The following ZNF540 variants were observed in gnomAD, a reference collection of about 807,000 sequenced individuals.
The protein encoded by ZNF540 is CTD-3064H18.6.
In ZNF540, 3 loss-of-function variants were observed where a neutral mutation model predicts 11.8. That is an observed-to-expected ratio of 0.25 (90% CI 0.12 to 0.65). The LOEUF (loss-of-function observed/expected upper bound fraction) is 0.65, where lower values mean the gene tolerates loss of function less well. Ranked by LOEUF, ZNF540 falls within the 30% of genes least tolerant of loss-of-function variation. ZNF540 has a pLI of 0.83. For missense variants in ZNF540, 709 were observed against 793.1 expected (o/e 0.89, Z 1.27); for synonymous variants, 247 against 259.0 (o/e 0.95, Z 0.45).
intron 1 of ZNF540, chr19:37,555,375 T>C (rs8107454): frequency 0.04 from 6,316 of 158,236 alleles, 348 homozygotes; most frequent in African/African-American, 0.12. Flanking sequence ...AGTATTAAGA[T>C]ACATAAGTTT....
At chr19:37,565,526 T>C (rs1183481505) in intron 1 of ZNF540, 1 of 1,613,802 alleles carries the variant, frequency 6.2e-7, no homozygotes, top group Admixed American at 1.7e-5. Flanking sequence ...CTCACCACTA[T>C]GAATTCTCTG....
chr19:37,601,843 A>G (rs1333962167), intron 4 of ZNF540, among the ~76,000 whole-genome samples: 1 of 152,252 alleles, frequency 6.6e-6, no homozygotes, highest in African/African-American at 2.4e-5. Flanking sequence ...AGAGTGGGGA[A>G]GAGTAACTAA....
intron 1 of ZNF540, chr19:37,583,499 C>T (rs1332053373): frequency 1.3e-5 from 2 of 153,516 alleles, no homozygotes; most frequent in African/African-American, 2.4e-5. Flanking sequence ...TTCCACAGGC[C>T]TTTGAAGAGA....
rs140673369 is a variant in ZNF540, at chr19:37,565,058, A to G, written c.-73+13393A>G. Reference sequence around the variant, plus strand: ...ATGTTGAGTAAGATATGCAACACGAATAAAGGCCTTTCCACATTCCTTACA... The same window carrying G: ...ATGTTGAGTAAGATATGCAACACGAGTAAAGGCCTTTCCACATTCCTTACA... On this transcript the variant is annotated intron_variant, in intron 1 of 4. Transcript: ENST00000592533. The G allele has an allele frequency of 2.5e-6, 4 of 1,613,124 alleles. No individual in the cohort carries two copies. In the African/African-American group the frequency reaches 4.0e-5, roughly 16 times the overall value.
intron 1 of ZNF540, among the ~76,000 whole-genome samples, chr19:37,588,969 G>A (rs2147209679): frequency 6.6e-6 from 1 of 152,244 alleles, no homozygotes; most frequent in South Asian, 2.1e-4. Context: ...GGAGGCTGAG[G>A]CAGGTGGATC....
chr19:37,578,149 T>TCTCGCCCCACTCCCCA (rs1178533582), intron 1 of ZNF540, among the ~76,000 whole-genome samples: 1 of 152,042 alleles, frequency 6.6e-6, no homozygotes, highest in Non-Finnish European at 1.5e-5. Flanking sequence ...GCCCTTCCCC[T>TCTCGCCCCACTCCCCA]CTCGCCCCAC....
At chr19:37,553,738 A>C (rs1398076248) in intron 1 of ZNF540, among the ~76,000 whole-genome samples, 1 of 148,666 alleles carries the variant, frequency 6.7e-6, no homozygotes, top group East Asian at 2.0e-4. Flanking sequence ...ATTTGCTGGG[A>C]TCTCACACAA....
intron 1 of ZNF540, among the ~76,000 whole-genome samples, chr19:37,553,550 A>C (rs1391656037): frequency 1.3e-5 from 2 of 151,874 alleles, no homozygotes; most frequent in Non-Finnish European, 2.9e-5. Context: ...TCTATCCTTA[A>C]TTCTTTTTCT....
intron 1 of ZNF540, among the ~76,000 whole-genome samples, chr19:37,587,845 G>A (rs1453592026): frequency 6.6e-6 from 1 of 151,918 alleles, no homozygotes; most frequent in African/African-American, 2.4e-5. Flanking sequence ...TTGGCTGCAC[G>A]CAGTGGCTCA....
intron 1 of ZNF540, among the ~76,000 whole-genome samples, chr19:37,582,679 C>T (rs560198942): frequency 1.4e-4 from 21 of 152,320 alleles, no homozygotes; most frequent in African/African-American, 4.1e-4. Context: ...TGACTTCCTT[C>T]TCCAGCCTTC....
At chr19:37,566,699 C>T (rs767322239) in intron 1 of ZNF540, among the ~76,000 whole-genome samples, 50 of 152,188 alleles carry the variant, frequency 3.3e-4, no homozygotes, top group Non-Finnish European at 3.8e-4. Context: ...AGTCACCCCT[C>T]TCTCATTGTC....
intron 4 of ZNF540, among the ~76,000 whole-genome samples, chr19:37,603,191 GA>G (rs1258587524): frequency 6.6e-6 from 1 of 152,004 alleles, no homozygotes; most frequent in Non-Finnish European, 1.5e-5. Flanking sequence ...TATTTTAGTA[GA>G]AACGGGGTCT....
At chr19:37,553,150 TTG>T in intron 1 of ZNF540, among the ~76,000 whole-genome samples, 7 of 81,732 alleles carry the variant, frequency 8.6e-5, no homozygotes, top group African/African-American at 2.4e-4. Flanking sequence ...TTTTTTTTTT[TTG>T]GAGACAGTCT....
At chr19:37,552,097 A>G (rs2042612128) in intron 1 of ZNF540, among the ~76,000 whole-genome samples, 1 of 151,946 alleles carries the variant, frequency 6.6e-6, no homozygotes, top group East Asian at 1.9e-4. Flanking sequence ...GCATTCCACA[A>G]AATTTTATAT....
intron 1 of ZNF540, among the ~76,000 whole-genome samples, chr19:37,570,510 T>A (rs2043015473): frequency 6.6e-6 from 1 of 152,262 alleles, no homozygotes; most frequent in Admixed American, 6.5e-5. Context: ...TTAATTTTTC[T>A]ACAAATATTC....
At chr19:37,586,829 C>T (rs762122132) in intron 1 of ZNF540, 3 of 798,080 alleles carry the variant, frequency 3.8e-6, no homozygotes, top group Non-Finnish European at 6.0e-6. Flanking sequence ...TACTTCTCCT[C>T]TTTTGGGAAT....
intron 2 of ZNF540, 95 bp from the exon 3 acceptor site, chr19:37,599,531 A>C: frequency 1.4e-6 from 2 of 1,469,030 alleles, no homozygotes; most frequent in Non-Finnish European, 1.9e-6. Flanking sequence ...TTAGTATAGT[A>C]CCCCTTGCTG....
intron 1 of ZNF540, chr19:37,564,843 G>T (rs1600452748): frequency 6.2e-7 from 1 of 1,613,962 alleles, no homozygotes; most frequent in Non-Finnish European, 8.5e-7. Flanking sequence ...CATTCATAAG[G>T]TTTTTCACCT....
intron 1 of ZNF540, chr19:37,564,867 G>C (rs1343471380): frequency 6.2e-7 from 1 of 1,614,036 alleles, no homozygotes; most frequent in Non-Finnish European, 8.5e-7. Context: ...TGAATTCTCT[G>C]ATGTTCACTA....
Sources: allele counts gnomAD v4.1 joint callset (sites outside exome capture counted in the v4.1 genomes callset), GRCh38; gene constraint gnomAD v4.1.1; transcripts MANE v1.5; gene names NCBI Gene and HGNC (gene_info 2026-07-23, HGNC 2026-07-21).